The following TMEM178B variants were observed in gnomAD, a reference collection of about 807,000 sequenced individuals.
TMEM178B encodes transmembrane protein 178B.
A neutral mutation model predicts 31.0 loss-of-function variants in TMEM178B; 5 were observed. The observed-to-expected ratio is 0.16, with a 90% CI of 0.08 to 0.34. The LOEUF is 0.34. Ranked by LOEUF, TMEM178B falls within the 10% of genes least tolerant of loss-of-function variation. TMEM178B has a pLI of 1.00. For synonymous variants in TMEM178B, 164 were observed against 164.0 expected, an observed-to-expected ratio of 1.00 and a Z score of 0.00; for missense variants, 275 against 400.3, an observed-to-expected ratio of 0.69 and a Z score of 2.67.
At chr7:141,329,481 G>A (rs1799257839) in intron 2 of TMEM178B, among the ~76,000 whole-genome samples, 2 of 152,140 alleles carry the variant, frequency 1.3e-5, no homozygotes, top group Admixed American at 1.3e-4. Flanking sequence ...TTTGTCCCGA[G>A]GCTTATCAGG....
intron 1 of TMEM178B, among the ~76,000 whole-genome samples, chr7:141,137,135 T>C (rs1349898414): frequency 2.0e-5 from 3 of 152,128 alleles, no homozygotes; most frequent in Non-Finnish European, 4.4e-5. Context: ...AATATAGCCA[T>C]TATGGAAAAC....
At chr7:141,225,935 C>T (rs1797334728) in intron 2 of TMEM178B, among the ~76,000 whole-genome samples, 1 of 152,094 alleles carries the variant, frequency 6.6e-6, no homozygotes, top group African/African-American at 2.4e-5. Context: ...TAAAGTGAGA[C>T]CCATTCTGCC....
rs995930885 is a variant in TMEM178B at position 141,089,574 on chromosome 7, G to A, written c.382+14882G>A. ...ACACATGCACACATATGTTTATTGC[G>A]GCACTATTCACAATAGCAAAGACTT... On this transcript the variant is annotated intron_variant, in intron 1 of 3. Transcript: ENST00000565468. Among the ~76,000 whole-genome samples the A allele has an allele frequency of 5.3e-5, 8 of 152,216 alleles. No homozygotes were observed. In the East Asian group the frequency reaches 5.8e-4, roughly 11 times the overall value.
rs956075453 is a variant in TMEM178B, at chr7:141,479,981, G to C, written c.*9195G>C. The C allele has an allele frequency of 6.6e-6, 1 of 152,156 alleles. No homozygotes were observed. The highest frequency in any genetic ancestry group is 1.5e-5 in the Non-Finnish European group (1 of 68,030). 9.4% of individuals were successfully genotyped at this position (152,156 alleles called of 1,614,324 possible). A position where few individuals can be genotyped will look rare whatever the true frequency, so the allele number is the denominator to read the frequency against. ...TGTGTTGTTTAATCTTAACAAGAAT[G>C]CTACATCTTATCAGATCTATTGTAC... On this transcript the variant is annotated 3_prime_UTR_variant, in exon 4 of 4. Coordinates refer to ENST00000565468, the MANE Select transcript of TMEM178B (RefSeq NM_001195278.2).
rs115267164 is a variant in TMEM178B at position 141,388,016 on chromosome 7, G to C, written c.497-49592G>C. 4.6e-3 allele frequency among the ~76,000 whole-genome samples: 695 copies of C among 152,330 alleles called. 5 individuals are homozygous for C. The highest frequency in any genetic ancestry group is 0.016 in the African/African-American group (649 of 41,576). On this transcript the variant is annotated intron_variant, in intron 2 of 3. Transcript: ENST00000565468. Reference sequence around the variant, plus strand: ...GGCTGCCAAGCCGCACACCCTTTGAGCTTTCATCAGCAGATTCTGGGGTGT... The same window carrying C: ...GGCTGCCAAGCCGCACACCCTTTGACCTTTCATCAGCAGATTCTGGGGTGT...
the TMEM178B span, among the ~76,000 whole-genome samples, chr7:141,488,550 C>T: frequency 7.2e-5 from 11 of 152,214 alleles, no homozygotes; most frequent in Admixed American, 2.6e-4. Flanking sequence ...AGTGATTCTC[C>T]TGCCTCAGCC....
At chr7:141,388,714 ACATGTT>A (rs1448681081) in intron 2 of TMEM178B, among the ~76,000 whole-genome samples, 2 of 152,210 alleles carry the variant, frequency 1.3e-5, no homozygotes, top group African/African-American at 4.8e-5. Context: ...ACTGGCTTTC[ACATGTT>A]CAACTCCTTT....
chr7:141,074,210 C>A lies in TMEM178B; in HGVS notation c.-101C>A, dbSNP rs1794555919. 9 of 1,425,792 alleles carry A rather than the reference C, an allele frequency of 6.3e-6. No individual in the cohort carries two copies. The highest frequency in any genetic ancestry group is 8.2e-6 in the Non-Finnish European group (9 of 1,091,278). 88.3% of individuals were successfully genotyped at this position (1,425,792 alleles called of 1,614,324 possible). ...GCCGCGGCGCGAGTCCCTCTCCTGC[C>A]CCCTCCCCCAGCTCGGCCGCCCGCC... On this transcript the variant is annotated 5_prime_UTR_variant, in exon 1 of 4. Transcript: ENST00000565468. The surrounding 1 kb of genome is among the most constrained non-coding windows in gnomAD (Gnocchi z 5.1).
At chr7:141,215,483 G>T (rs549467771) in intron 2 of TMEM178B, among the ~76,000 whole-genome samples, 83 of 152,050 alleles carry the variant, frequency 5.5e-4, no homozygotes, top group African/African-American at 1.8e-3. Context: ...GTGCCACCAT[G>T]CCCAGCTAAC....
At chr7:141,428,327 C>T (rs1351114897) in intron 2 of TMEM178B, among the ~76,000 whole-genome samples, 2 of 141,682 alleles carry the variant, frequency 1.4e-5, no homozygotes, top group Admixed American at 7.5e-5. Context: ...GAGATTGTGC[C>T]GTTGCACTCC....
At chr7:141,128,648 G>A (rs915565626) in intron 1 of TMEM178B, among the ~76,000 whole-genome samples, 2 of 152,076 alleles carry the variant, frequency 1.3e-5, no homozygotes, top group African/African-American at 4.8e-5. Context: ...GTTAACTCTT[G>A]AACCATCTGG....
At chr7:141,425,904 C>A (rs1031671983) in intron 2 of TMEM178B, among the ~76,000 whole-genome samples, 5 of 152,168 alleles carry the variant, frequency 3.3e-5, no homozygotes, top group African/African-American at 4.8e-5. Context: ...TCCACAGAAA[C>A]TACCTTCCCC....
chr7:141,362,967 T>C (rs577155133), intron 2 of TMEM178B, among the ~76,000 whole-genome samples: 13 of 152,142 alleles, frequency 8.5e-5, no homozygotes, highest in Non-Finnish European at 1.5e-4. Context: ...AAAGGGAAAT[T>C]GTTTGAGCAG....
At chr7:141,322,558 A>G (rs990522844) in intron 2 of TMEM178B, among the ~76,000 whole-genome samples, 1 of 152,138 alleles carries the variant, frequency 6.6e-6, no homozygotes, top group African/African-American at 2.4e-5. Context: ...TCAAACAAAC[A>G]AAGAACACAA....
intron 2 of TMEM178B, among the ~76,000 whole-genome samples, chr7:141,435,029 G>C (rs1801508086): frequency 6.6e-6 from 1 of 151,928 alleles, no homozygotes; most frequent in Non-Finnish European, 1.5e-5. Flanking sequence ...CATGATTTTG[G>C]TATAAAAACA....
chr7:141,508,040 CT>C, the TMEM178B span, among the ~76,000 whole-genome samples: 1 of 152,194 alleles, frequency 6.6e-6, no homozygotes, highest in African/African-American at 2.4e-5. Context: ...ATGGGTTTTC[CT>C]TTTTTATCAC....
intron 2 of TMEM178B, among the ~76,000 whole-genome samples, chr7:141,434,781 C>T (rs1250359785): frequency 6.6e-6 from 1 of 152,258 alleles, no homozygotes; most frequent in East Asian, 1.9e-4. Flanking sequence ...CACACCCGTC[C>T]CAGCCTCTGG....
Position 141,473,997 on chromosome 7 carries a change from CCAAAT to C in TMEM178B, c.*3216_*3220del, listed in dbSNP as rs1211875123. On this transcript the variant is annotated 3_prime_UTR_variant, in exon 4 of 4. Coordinates refer to ENST00000565468, the MANE Select transcript of TMEM178B (RefSeq NM_001195278.2). ...CTCTGTAGGTCAGACTCTGCTAACT[CCAAAT>C]CAAAGTGGAACCCAACCTTATGAGG... The C allele has an allele frequency of 6.6e-6, 1 of 152,176 alleles. No homozygotes were observed. 9.4% of individuals were successfully genotyped at this position (152,176 alleles called of 1,614,324 possible). A position where few individuals can be genotyped will look rare whatever the true frequency, so the allele number is the denominator to read the frequency against.
intron 1 of TMEM178B, among the ~76,000 whole-genome samples, chr7:141,176,295 C>T (rs959057888): frequency 3.9e-5 from 6 of 152,120 alleles, no homozygotes; most frequent in African/African-American, 1.2e-4. Flanking sequence ...GACTTGCATC[C>T]CAGGGATGAA....
Sources: gnomAD v4.1 joint callset for allele counts (sites outside exome capture counted in the v4.1 genomes callset) on GRCh38, gnomAD v4.1.1 for gene constraint, Gnocchi (gnomAD v3.1) non-coding constraint, MANE v1.5 for transcripts, NCBI Gene and HGNC (gene_info 2026-07-23, HGNC 2026-07-21) for gene names.